The following PCDH11Y variants were observed in gnomAD, a reference collection of about 807,000 sequenced individuals.
PCDH11Y encodes protocadherin-11 Y-linked.
For missense variants in PCDH11Y, 12 were observed against 224.8 expected, an observed-to-expected ratio of 0.05 and a Z score of 6.05; for synonymous variants, 9 against 83.6, an observed-to-expected ratio of 0.11 and a Z score of 4.87.
intron 1 of PCDH11Y, among the ~76,000 whole-genome samples, chrY:5,073,433 C>T: frequency 3.7e-5 from 1 of 26,961 alleles, no homozygotes; most frequent in Non-Finnish European, 7.6e-5. Flanking sequence ...ATTAGGAATT[C>T]ATTTTTTTTT....
chrY:5,176,531 C>G, intron 2 of PCDH11Y, among the ~76,000 whole-genome samples: 1 of 33,378 alleles, frequency 3.0e-5, no homozygotes, highest in African/African-American at 1.2e-4. Flanking sequence ...TCCAGTTGCT[C>G]TGTCCGGAGC....
intron 2 of PCDH11Y, among the ~76,000 whole-genome samples, chrY:5,427,125 T>TTA (rs2053264157): frequency 3.0e-5 from 1 of 33,029 alleles, no homozygotes; most frequent in East Asian, 8.0e-4. Flanking sequence ...GAATAGAGGC[T>TTA]TACCCAGTGT....
At chrY:5,641,178 G>A in intron 4 of PCDH11Y, among the ~76,000 whole-genome samples, 1 of 33,506 alleles carries the variant, frequency 3.0e-5, no homozygotes, top group African/African-American at 1.2e-4. Context: ...GTTGGGACTG[G>A]TTTGAACTTC....
chrY:5,671,271 A>G, intron 4 of PCDH11Y, among the ~76,000 whole-genome samples: 1 of 30,671 alleles, frequency 3.3e-5, no homozygotes, highest in African/African-American at 1.3e-4. Flanking sequence ...GTGATTCCAT[A>G]TAAGATTCAG....
At chrY:5,234,387 G>A in intron 2 of PCDH11Y, among the ~76,000 whole-genome samples, 1 of 29,524 alleles carries the variant, frequency 3.4e-5, no homozygotes, top group Non-Finnish European at 8.0e-5. Flanking sequence ...GGGATTATAG[G>A]TATGCACCAC....
intron 2 of PCDH11Y, among the ~76,000 whole-genome samples, chrY:5,205,545 TATATATATATATACACTGA>T (rs2052930890): frequency 1.2e-4 from 3 of 24,363 alleles, no homozygotes; most frequent in African/African-American, 3.1e-4. Flanking sequence ...ATACACTGAA[TATATATATATATACACTGA>T]ATATATATAT....
intron 2 of PCDH11Y, among the ~76,000 whole-genome samples, chrY:5,402,508 G>A (rs1602920051): frequency 3.1e-4 from 10 of 32,578 alleles, no homozygotes; most frequent in African/African-American, 8.3e-4. Context: ...TTTTAGCCCT[G>A]TTCAAGAGGT....
chrY:5,732,851 A>C (rs2053606224), intron 4 of PCDH11Y, among the ~76,000 whole-genome samples: 1 of 33,551 alleles, frequency 3.0e-5, no homozygotes, highest in Non-Finnish European at 7.4e-5. Flanking sequence ...ATTTCTTAAA[A>C]TTCTTTTCTT....
chrY:5,489,902 A>C, intron 2 of PCDH11Y, among the ~76,000 whole-genome samples: 5 of 32,387 alleles, frequency 1.5e-4, no homozygotes, highest in Non-Finnish European at 3.8e-4. Context: ...GGAGATGTCT[A>C]TAGAATAAAA....
intron 2 of PCDH11Y, among the ~76,000 whole-genome samples, chrY:5,111,504 C>CA: frequency 6.0e-5 from 2 of 33,480 alleles, no homozygotes; most frequent in Non-Finnish European, 1.5e-4. Context: ...CATATGGAGG[C>CA]AAAATAGAAT....
At chrY:5,597,245 G>C (rs2053467757) in intron 4 of PCDH11Y, among the ~76,000 whole-genome samples, 1 of 28,552 alleles carries the variant, frequency 3.5e-5, no homozygotes, top group Non-Finnish European at 8.2e-5. Context: ...AAGAAAATCT[G>C]TGTGTGTGTG....
At chrY:5,490,838 G>A in intron 2 of PCDH11Y, among the ~76,000 whole-genome samples, 1 of 34,276 alleles carries the variant, frequency 2.9e-5, no homozygotes, top group Non-Finnish European at 7.3e-5. Context: ...CCTGCTGCTT[G>A]GCCTCTCAGC....
intron 2 of PCDH11Y, among the ~76,000 whole-genome samples, chrY:5,282,802 G>A: frequency 3.0e-5 from 1 of 33,144 alleles, no homozygotes; most frequent in Non-Finnish European, 7.5e-5. Flanking sequence ...CATAGTTTCT[G>A]GAAACTATTT....
At chrY:5,043,242 T>C in intron 3 of PCDH11Y, among the ~76,000 whole-genome samples, 4 of 33,214 alleles carry the variant, frequency 1.2e-4, no homozygotes, top group African/African-American at 3.6e-4. Context: ...ATATTGGCTA[T>C]GGGTTTGTCA....
chrY:5,354,235 A>G, intron 2 of PCDH11Y, among the ~76,000 whole-genome samples: 2 of 33,358 alleles, frequency 6.0e-5, no homozygotes, highest in African/African-American at 1.2e-4. Flanking sequence ...GAAAAATGCT[A>G]TATGACCAAA....
intron 1 of PCDH11Y, among the ~76,000 whole-genome samples, chrY:5,001,572 G>T (rs2052530507): frequency 2.9e-5 from 1 of 33,981 alleles, no homozygotes; most frequent in African/African-American, 1.1e-4. Context: ...GCGATAAAAC[G>T]GCTCTTTTTT....
chrY:5,586,895 T>A, intron 4 of PCDH11Y, among the ~76,000 whole-genome samples: 1 of 33,205 alleles, frequency 3.0e-5, no homozygotes, highest in South Asian at 6.4e-4. Flanking sequence ...ATTTCATTGA[T>A]CTTTTGTATT....
chrY:5,330,690 A>G (rs1381562438), intron 2 of PCDH11Y, among the ~76,000 whole-genome samples: 14 of 34,103 alleles, frequency 4.1e-4, no homozygotes, highest in Non-Finnish European at 8.1e-4. Flanking sequence ...CAATTTATCT[A>G]GCTCTAAAAA....
intron 2 of PCDH11Y, among the ~76,000 whole-genome samples, chrY:5,347,417 C>T: frequency 3.0e-5 from 1 of 32,922 alleles, no homozygotes; most frequent in South Asian, 7.0e-4. Context: ...TGCCACTGCA[C>T]TCCAGCCTGG....
Sources: gnomAD v4.1 joint callset for allele counts (sites outside exome capture counted in the v4.1 genomes callset) on GRCh38, gnomAD v4.1.1 for gene constraint, MANE v1.5 for transcripts, NCBI Gene and HGNC (gene_info 2026-07-23, HGNC 2026-07-21) for gene names.